The following CNTNAP4 variants were observed in gnomAD, a reference collection of about 807,000 sequenced individuals.
CNTNAP4 encodes the protein contactin-associated protein-like 4.
CNTNAP4 carries 98 observed loss-of-function variants against 148.4 expected under a neutral mutation model. That is an observed-to-expected ratio of 0.66 (90% CI 0.56 to 0.78). The LOEUF (loss-of-function observed/expected upper bound fraction) is 0.78, where lower values mean the gene tolerates loss of function less well. CNTNAP4 is among the 30% of genes least tolerant of loss of function. The pLI, the probability that CNTNAP4 is intolerant of heterozygous loss-of-function variation, is 0.00. For synonymous variants in CNTNAP4, 730 were observed against 565.1 expected, an observed-to-expected ratio of 1.29 and a Z score of -4.14; for missense variants, 1,935 against 1,565.6, an observed-to-expected ratio of 1.24 and a Z score of -3.98.
At chr16:76,516,742 A>G (rs1381979093) in intron 15 of CNTNAP4, among the ~76,000 whole-genome samples, 1 of 152,248 alleles carries the variant, frequency 6.6e-6, no homozygotes, top group South Asian at 2.1e-4. Context: ...AACTATTGAT[A>G]CAGAAAACAA....
chr16:76,381,429 T>C (rs1278148471), intron 3 of CNTNAP4, among the ~76,000 whole-genome samples: 1 of 152,098 alleles, frequency 6.6e-6, no homozygotes, highest in Non-Finnish European at 1.5e-5. Context: ...TCTGATACTG[T>C]GCTAGTGGAA....
intron 3 of CNTNAP4, among the ~76,000 whole-genome samples, chr16:76,403,175 C>G (rs543762578): frequency 7.9e-5 from 12 of 151,822 alleles, no homozygotes; most frequent in African/African-American, 2.9e-4. Flanking sequence ...TCACTGCAAG[C>G]TCCACCTTCC....
chr16:76,454,111 C>CT (rs11302612), intron 8 of CNTNAP4, among the ~76,000 whole-genome samples: 5,892 of 130,038 alleles, frequency 0.045, 177 homozygotes, highest in African/African-American at 0.085. Flanking sequence ...CTATTTCTTT[C>CT]TTTTTTTTTT....
intron 3 of CNTNAP4, among the ~76,000 whole-genome samples, chr16:76,377,404 A>G (rs773028403): frequency 2.0e-5 from 3 of 152,176 alleles, no homozygotes; most frequent in Non-Finnish European, 4.4e-5. Context: ...AAAAGCAAAT[A>G]AAAATGGAAT....
chr16:76,302,951 T>A (rs1222849213), intron 1 of CNTNAP4, among the ~76,000 whole-genome samples: 1 of 152,004 alleles, frequency 6.6e-6, no homozygotes, highest in African/African-American at 2.4e-5. Context: ...TGGTAGGGGG[T>A]GTAGTCTTGT....
Position 76,277,555 on chromosome 16 carries a change from C to G in CNTNAP4, c.-108C>G. On this transcript the variant is annotated 5_prime_UTR_variant, in exon 1 of 24. Coordinates refer to ENST00000611870, the MANE Select transcript of CNTNAP4 (RefSeq NM_033401.5). The stretch of plus-strand genomic sequence containing the variant: ...AGGAAGGGAGGGGGAGAGACAGAGA[C>G]CTAGAGGGGCTGAAGACCCAGACAG... The G allele has an allele frequency of 1.4e-6, 1 of 701,432 alleles. No individual in the cohort carries two copies. The highest frequency in any genetic ancestry group is 2.8e-5 in the East Asian group (1 of 36,348). The allele number at this position is 701,432 out of a possible 1,614,324, so 43.5% of individuals were successfully genotyped here. A position where few individuals can be genotyped will look rare whatever the true frequency, so the allele number is the denominator to read the frequency against.
At chr16:76,342,465 C>CTTTTTTTTTTTTTTTTT (rs397854943) in intron 2 of CNTNAP4, among the ~76,000 whole-genome samples, 1 of 91,490 alleles carries the variant, frequency 1.1e-5, no homozygotes, top group African/African-American at 5.1e-5. Context: ...TTGCTAATTT[C>CTTTTTTTTTTTTTTTTT]TTTTTTTTTT....
intron 1 of CNTNAP4, among the ~76,000 whole-genome samples, chr16:76,294,110 A>C (rs542681862): frequency 6.6e-6 from 1 of 152,318 alleles, no homozygotes; most frequent in South Asian, 2.1e-4. Flanking sequence ...AAACCCACTC[A>C]TTCAACTTCT....
intron 22 of CNTNAP4, 78 bp from the exon 23 acceptor site, chr16:76,553,758 A>G (rs1395075121): frequency 3.2e-6 from 3 of 928,138 alleles, no homozygotes; most frequent in Non-Finnish European, 3.4e-6. Context: ...CTGTGGTTTA[A>G]AACATTTATG....
rs2083956326 is a variant in CNTNAP4 at position 76,530,929 on chromosome 16, TC to T, written c.2756-4613del. Among the ~76,000 whole-genome samples, 3 of 152,288 alleles carry T rather than the reference TC, an allele frequency of 2.0e-5. No homozygotes were observed. The South Asian group carries it at 6.2e-4, about 32-fold the overall frequency. On this transcript the variant is annotated intron_variant, in intron 17 of 23. Coordinates refer to ENST00000611870, the MANE Select transcript of CNTNAP4 (RefSeq NM_033401.5). ...GCTTGACATATAGAAGACAACTTTT[TC>T]CCTTCAATCTCCTGACTTGGTCCTG...
At chr16:76,394,089 G>A (rs191810431) in intron 3 of CNTNAP4, among the ~76,000 whole-genome samples, 127 of 152,282 alleles carry the variant, frequency 8.3e-4, no homozygotes, top group African/African-American at 2.8e-3. Context: ...ATTATGGCAA[G>A]CTCTGGCTTC....
chr16:76,449,470 A>C (rs1017311285), intron 6 of CNTNAP4, among the ~76,000 whole-genome samples: 1 of 152,184 alleles, frequency 6.6e-6, no homozygotes, highest in African/African-American at 2.4e-5. Flanking sequence ...ATAAAGATGT[A>C]TTTTTCATCG....
At position 76,535,411 on chromosome 16, in the gene CNTNAP4, A is replaced by C. The variant is rs528243252; in HGVS notation, c.2756-134A>C. 9.2e-6 allele frequency: 8 copies of C among 868,778 alleles called. No individual in the cohort carries two copies. In the South Asian group the frequency reaches 1.5e-4, roughly 16 times the overall value. The allele number at this position is 868,778 out of a possible 1,614,324, so 53.8% of individuals were successfully genotyped here. A position where few individuals can be genotyped will look rare whatever the true frequency, so the allele number is the denominator to read the frequency against. The stretch of plus-strand genomic sequence containing the variant: ...TTCTTGGAGTCTATATTTGACCATG[A>C]ATTGTGTTTCCAAAATTATATTTGC... On this transcript the variant is annotated intron_variant, in intron 17 of 23. Transcript: ENST00000611870.
chr16:76,471,517 C>A (rs2081374385), intron 10 of CNTNAP4, among the ~76,000 whole-genome samples: 1 of 152,166 alleles, frequency 6.6e-6, no homozygotes, highest in Admixed American at 6.5e-5. Flanking sequence ...ACCTCCGTCA[C>A]CTGTCCTTCC....
At chr16:76,465,099 C>T (rs191578137) in intron 9 of CNTNAP4, among the ~76,000 whole-genome samples, 51 of 152,288 alleles carry the variant, frequency 3.3e-4, no homozygotes, top group East Asian at 9.7e-4. Flanking sequence ...TGAAGTCTAA[C>T]CTGACATCTC....
At chr16:76,381,931 T>C (rs549661172) in intron 3 of CNTNAP4, among the ~76,000 whole-genome samples, 3 of 151,648 alleles carry the variant, frequency 2.0e-5, no homozygotes, top group Non-Finnish European at 2.9e-5. Flanking sequence ...TGGTGGTGGG[T>C]GCCTGTAGTC....
In CNTNAP4 at chr16:76,511,838, G is replaced by GGAGAGAGAGAGA. The variant is rs61708542; in HGVS notation, c.2366-9289_2366-9278dup. 2.3e-3 allele frequency among the ~76,000 whole-genome samples: 334 copies of GGAGAGAGAGAGA among 148,266 alleles called. 2 individuals carry two copies. The East Asian group carries it at 0.03, about 13-fold the overall frequency. On this transcript the variant is annotated intron_variant, in intron 15 of 23. Coordinates refer to ENST00000611870, the MANE Select transcript of CNTNAP4 (RefSeq NM_033401.5). The stretch of plus-strand genomic sequence containing the variant: ...GTATTCTTGGAGCTTATATTTTCTT[G>GGAGAGAGAGAGA]GAGAGAGAGAGAGAGAGAGAGAGAC...
rs374928070 is a variant in CNTNAP4, at chr16:76,520,913, C to G, written c.2366-227C>G. Among the ~76,000 whole-genome samples the G allele has an allele frequency of 4.6e-5, 7 of 152,164 alleles. No homozygotes were observed. In the East Asian group the frequency reaches 1.2e-3, roughly 25 times the overall value. On this transcript the variant is annotated intron_variant, in intron 15 of 23. Transcript: ENST00000611870. ...TTAGACCATTTCTGTAATGATCATT[C>G]TTACTCTCTATTGGAAAAAATCCAG... is the stretch of plus-strand genomic sequence containing the variant.
intron 11 of CNTNAP4, 81 bp downstream of exon 11, chr16:76,476,126 A>G: frequency 2.2e-6 from 2 of 929,310 alleles, no homozygotes; most frequent in South Asian, 1.5e-5. Context: ...GTGTGTATAT[A>G]TGTCTGTTCT....
Sources: allele counts gnomAD v4.1 joint callset (sites outside exome capture counted in the v4.1 genomes callset), GRCh38; gene constraint gnomAD v4.1.1; transcripts MANE v1.5; gene names NCBI Gene and HGNC (gene_info 2026-07-23, HGNC 2026-07-21).